RNF13: variants seen among roughly 807,000 people sequenced by gnomAD.
The protein encoded by RNF13 is ring finger protein 13, also known as E3 ubiquitin-protein ligase RNF13.
In RNF13, 19 loss-of-function variants were observed where a neutral mutation model predicts 37.7. The ratio of observed to expected loss-of-function variants is 0.50; its 90% CI spans 0.35 to 0.74. RNF13 has a LOEUF of 0.74. Ranked by LOEUF, RNF13 falls within the 30% of genes least tolerant of loss-of-function variation. RNF13 has a pLI of 0.01. For synonymous variants in RNF13, 144 were observed against 157.8 expected (o/e 0.91, Z 0.65); for missense variants, 375 against 453.0 (o/e 0.83, Z 1.56).
At chr3:149,889,773 A>T (rs1364138759) in intron 4 of RNF13, among the ~76,000 whole-genome samples, 1 of 149,626 alleles carries the variant, frequency 6.7e-6, no homozygotes, top group Non-Finnish European at 1.5e-5. Flanking sequence ...TCCTGCCTCA[A>T]CCTCCTGAGT....
chr3:149,924,674 T>C (rs1362850185), intron 8 of RNF13, among the ~76,000 whole-genome samples: 1 of 152,146 alleles, frequency 6.6e-6, no homozygotes, highest in Non-Finnish European at 1.5e-5. Flanking sequence ...GCCAAAAATC[T>C]GATTGTAGTT....
At chr3:149,877,887 A>G (rs75505162) in intron 4 of RNF13, among the ~76,000 whole-genome samples, 1 of 152,038 alleles carries the variant, frequency 6.6e-6, no homozygotes, top group Non-Finnish European at 1.5e-5. Flanking sequence ...TCATTCATTC[A>G]TTTGTTCATT....
chr3:149,864,137 A>T (rs914527506), intron 3 of RNF13, among the ~76,000 whole-genome samples: 1 of 149,122 alleles, frequency 6.7e-6, no homozygotes, highest in Non-Finnish European at 1.5e-5. Context: ...TGTTGGAGGT[A>T]AGGCACAATG....
At chr3:149,891,547 G>A (rs1257169623) in intron 4 of RNF13, among the ~76,000 whole-genome samples, 1 of 152,128 alleles carries the variant, frequency 6.6e-6, no homozygotes, top group African/African-American at 2.4e-5. Flanking sequence ...TCTTGGTTAG[G>A]TGCCACCTGG....
chr3:149,895,429 T>C, intron 4 of RNF13, 44 bp from the exon 5 acceptor site: 1 of 1,197,094 alleles, frequency 8.4e-7, no homozygotes, highest in Non-Finnish European at 1.2e-6. Flanking sequence ...CAAACCACTG[T>C]CTTCCTTATA....
At chr3:149,894,638 T>A (rs1024075677) in intron 4 of RNF13, among the ~76,000 whole-genome samples, 5 of 152,144 alleles carry the variant, frequency 3.3e-5, no homozygotes, top group Non-Finnish European at 7.4e-5. Flanking sequence ...CTTACTATCA[T>A]TAGTATCCAG....
intron 8 of RNF13, among the ~76,000 whole-genome samples, chr3:149,957,786 G>T (rs745486711): frequency 6.6e-6 from 1 of 152,140 alleles, no homozygotes; most frequent in East Asian, 1.9e-4. Flanking sequence ...GTTAATGTTT[G>T]TGTTTTGCCT....
chr3:149,899,443 C>T (rs764657988), intron 5 of RNF13, among the ~76,000 whole-genome samples: 16 of 151,868 alleles, frequency 1.1e-4, no homozygotes, highest in African/African-American at 7.3e-5. Context: ...AGCAAGACTC[C>T]GTCTCCAAAT....
chr3:149,849,135 A>G (rs536707981), intron 2 of RNF13, among the ~76,000 whole-genome samples: 2 of 152,200 alleles, frequency 1.3e-5, no homozygotes, highest in Non-Finnish European at 2.9e-5. Flanking sequence ...GTAGGTTTAT[A>G]CTAGAAACAT....
chr3:149,928,591 A>G (rs1449076086), intron 8 of RNF13, among the ~76,000 whole-genome samples: 1 of 152,082 alleles, frequency 6.6e-6, no homozygotes, highest in Non-Finnish European at 1.5e-5. Flanking sequence ...AAATTTTGAA[A>G]CTGAGAATTG....
At position 149,960,997 on chromosome 3, in the gene RNF13, G is replaced by A. The variant is rs777879033; in HGVS notation, c.1039G>A (p.Glu347Lys). 1 of 1,614,234 alleles carries A rather than the reference G, an allele frequency of 6.2e-7. No individual in the cohort carries two copies. Among genetic ancestry groups the A allele is most frequent in the Non-Finnish European group, 8.5e-7 (1 of 1,180,038 alleles). Residue 347 changes from glutamate (E) to lysine (K), a missense_variant, in exon 10 of 10, where the codon GAA (glutamate) becomes AAA (lysine). Glu to Lys is a moderately conservative substitution (Grantham distance 56, BLOSUM62 1). Coordinates refer to ENST00000392894, the MANE Select transcript of RNF13 (RefSeq NM_183381.3). ...ESSDYEEDDN[E>K]DTDSSDAENE... ...TTCAGACTATGAGGAAGACGACAAT[G>A]AAGATACTGACAGTAGTGATGCAGA...
chr3:149,823,790 T>G (rs1266355759), intron 1 of RNF13, among the ~76,000 whole-genome samples: 3 of 152,186 alleles, frequency 2.0e-5, no homozygotes, highest in African/African-American at 7.2e-5. Context: ...ACTTTGAACT[T>G]TGGAAGACAT....
intron 5 of RNF13, 40 bp downstream of exon 5, chr3:149,895,600 G>A (rs1240285966): frequency 3.9e-6 from 5 of 1,283,454 alleles, no homozygotes; most frequent in African/African-American, 1.5e-5. Flanking sequence ...CTGTTTGACA[G>A]ATCATTTGTA....
At chr3:149,916,962 T>A (rs1717583239) in intron 7 of RNF13, among the ~76,000 whole-genome samples, 1 of 152,302 alleles carries the variant, frequency 6.6e-6, no homozygotes, top group South Asian at 2.1e-4. Context: ...CAACTTTTGA[T>A]AAGGAAAATT....
intron 8 of RNF13, among the ~76,000 whole-genome samples, chr3:149,955,804 T>G (rs1721806276): frequency 6.6e-6 from 1 of 152,218 alleles, no homozygotes; most frequent in Admixed American, 6.5e-5. Flanking sequence ...CTATTCTTGG[T>G]TTACTTGATA....
intron 1 of RNF13, among the ~76,000 whole-genome samples, chr3:149,834,772 T>C (rs565035443): frequency 5.9e-5 from 9 of 152,356 alleles, no homozygotes; most frequent in Non-Finnish European, 7.3e-5. Flanking sequence ...TCACCAGATA[T>C]AGATGTTGGT....
chr3:149,865,932 G>A (rs1161422634), intron 3 of RNF13, among the ~76,000 whole-genome samples: 1 of 152,054 alleles, frequency 6.6e-6, no homozygotes, highest in African/African-American at 2.4e-5. Context: ...GAAAATAAGG[G>A]AATAAAAAAA....
intron 6 of RNF13, among the ~76,000 whole-genome samples, chr3:149,903,167 A>T (rs1000283956): frequency 6.6e-6 from 1 of 151,888 alleles, no homozygotes; most frequent in African/African-American, 2.4e-5. Flanking sequence ...TGCTCAGAAC[A>T]TTTTTTTTAA....
chr3:149,955,793 C>G (rs1382108926), intron 8 of RNF13, among the ~76,000 whole-genome samples: 1 of 152,100 alleles, frequency 6.6e-6, no homozygotes, highest in Non-Finnish European at 1.5e-5. Context: ...TTTGAGGAAA[C>G]CTATTCTTGG....
Sources: allele counts gnomAD v4.1 joint callset (sites outside exome capture counted in the v4.1 genomes callset), GRCh38; gene constraint gnomAD v4.1.1; transcripts MANE v1.5; gene names NCBI Gene and HGNC (gene_info 2026-07-23, HGNC 2026-07-21).